Variants in TMEM72 observed in about 807,000 individuals in gnomAD.
TMEM72 encodes transmembrane protein 72.
A neutral mutation model predicts 16.3 loss-of-function variants in TMEM72; 9 were observed. The ratio of observed to expected loss-of-function variants is 0.55; its 90% confidence interval spans 0.33 to 0.96. TMEM72 has a LOEUF of 0.96. TMEM72 is among the 40% of genes least tolerant of loss of function. TMEM72 has a pLI of 0.03. For synonymous variants in TMEM72, 160 were observed against 146.5 expected (o/e 1.09, Z -0.66); for missense variants, 324 against 337.8 (o/e 0.96, Z 0.32).
chr10:44,931,870 T>C, intron 2 of TMEM72, 128 bp from the exon 3 acceptor site: 2 of 913,746 alleles, frequency 2.2e-6, no homozygotes, highest in East Asian at 5.3e-5. Context: ...GTGAATGTTG[T>C]CTGGGGGAAT....
At chr10:44,929,818 G>T (rs914696) in intron 2 of TMEM72, among the ~76,000 whole-genome samples, 124,374 of 152,300 alleles carry the variant, frequency 0.82, 51,916 homozygotes, top group African/African-American at 0.96. Flanking sequence ...CCCAAGCACC[G>T]TCCACCCATT....
At chr10:44,925,978 T>C (rs1324591515) in intron 1 of TMEM72, among the ~76,000 whole-genome samples, 2 of 150,618 alleles carry the variant, frequency 1.3e-5, no homozygotes, top group Non-Finnish European at 3.0e-5. Flanking sequence ...TATGCACATA[T>C]ATACTCACAC....
intron 1 of TMEM72, among the ~76,000 whole-genome samples, chr10:44,919,769 G>A (rs1436079800): frequency 6.6e-6 from 1 of 152,168 alleles, no homozygotes; most frequent in Non-Finnish European, 1.5e-5. Flanking sequence ...TGAATGTCCA[G>A]AAATATCTGC....
chr10:44,911,440 G>C lies in TMEM72; in HGVS notation c.-73G>C, dbSNP rs1839935547. The C allele has an allele frequency of 6.7e-7, 1 of 1,484,222 alleles. No individual in the cohort carries two copies. Among genetic ancestry groups the C allele is most frequent in the Non-Finnish European group, 9.1e-7 (1 of 1,095,186 alleles). 91.9% of individuals were successfully genotyped at this position (1,484,222 alleles called of 1,614,324 possible). A position where few individuals can be genotyped will look rare whatever the true frequency, so the allele number is the denominator to read the frequency against. On this transcript the variant is annotated 5_prime_UTR_variant, in exon 1 of 5. Coordinates refer to ENST00000389583, the MANE Select transcript of TMEM72 (RefSeq NM_001123376.3). The stretch of plus-strand genomic sequence containing the variant: ...CCAGCAGCCTCCTACCTACACAAGG[G>C]TGTTCGGGAGCATCTCAGGGCCGAA...
chr10:44,926,802 AC>A (rs1287897532), intron 1 of TMEM72, among the ~76,000 whole-genome samples: 2 of 131,990 alleles, frequency 1.5e-5, no homozygotes, highest in Non-Finnish European at 3.4e-5. Flanking sequence ...CCCACCCCCC[AC>A]CCCCAGAATC....
In TMEM72 at chr10:44,911,456, CAG is replaced by C; in HGVS notation, c.-56_-55del. ...TACACAAGGGTGTTCGGGAGCATCT[CAG>C]GGCCGAAGACTTTGCTGCCTGCCCT... On this transcript the variant is annotated 5_prime_UTR_variant, in exon 1 of 5. Transcript: ENST00000389583. 6.5e-7 allele frequency: 1 copy of C among 1,532,246 alleles called. No homozygotes were observed. The highest frequency in any genetic ancestry group is 8.8e-7 in the Non-Finnish European group (1 of 1,134,076). The allele number at this position is 1,532,246 out of a possible 1,614,324, so 94.9% of individuals were successfully genotyped here.
At chr10:44,926,765 C>T (rs577759185) in intron 1 of TMEM72, among the ~76,000 whole-genome samples, 111 of 152,298 alleles carry the variant, frequency 7.3e-4, no homozygotes, top group African/African-American at 2.5e-3. Flanking sequence ...CCCCTTTCCC[C>T]GGCCCCATAT....
chr10:44,914,830 G>A (rs967459842), intron 1 of TMEM72, among the ~76,000 whole-genome samples: 2 of 152,344 alleles, frequency 1.3e-5, no homozygotes, highest in East Asian at 3.9e-4. Context: ...ATTGGTCCCA[G>A]TTGCAGGCTA....
intron 1 of TMEM72, among the ~76,000 whole-genome samples, chr10:44,921,081 C>G (rs552733625): frequency 1.3e-5 from 2 of 152,254 alleles, no homozygotes; most frequent in African/African-American, 4.8e-5. Context: ...AGCCCTGGAC[C>G]CTGAGAGAAG....
chr10:44,931,506 AG>A (rs952418549), intron 2 of TMEM72, among the ~76,000 whole-genome samples: 77 of 152,326 alleles, frequency 5.1e-4, no homozygotes, highest in African/African-American at 1.8e-3. Flanking sequence ...GCAGGGGTCC[AG>A]GGGGCAGGGC....
chr10:44,917,340 G>A (rs537446780), intron 1 of TMEM72, among the ~76,000 whole-genome samples: 2 of 152,290 alleles, frequency 1.3e-5, no homozygotes, highest in African/African-American at 2.4e-5. Context: ...TGAGTTATCA[G>A]CTCCTTTTGT....
intron 1 of TMEM72, among the ~76,000 whole-genome samples, chr10:44,924,710 T>C (rs371726870): frequency 6.6e-6 from 1 of 152,268 alleles, no homozygotes; most frequent in East Asian, 1.9e-4. Context: ...GGTGACCCGT[T>C]GGCCTGGATA....
chr10:44,926,293 G>A (rs990903198), intron 1 of TMEM72, among the ~76,000 whole-genome samples: 13 of 152,208 alleles, frequency 8.5e-5, no homozygotes, highest in East Asian at 1.9e-4. Flanking sequence ...GCAGGAAACC[G>A]CGCACCACCT....
intron 1 of TMEM72, among the ~76,000 whole-genome samples, chr10:44,916,365 T>C (rs1047796053): frequency 6.6e-6 from 1 of 152,184 alleles, no homozygotes; most frequent in Non-Finnish European, 1.5e-5. Flanking sequence ...CATTTTCAAC[T>C]GCTCCCATGC....
At position 44,927,170 on chromosome 10, in the gene TMEM72, C is replaced by A. The variant is rs144030052; in HGVS notation, c.71-751C>A. On this transcript the variant is annotated intron_variant, in intron 1 of 4. Transcript: ENST00000389583. ...ACAGAAAGACTTCTAGTCAGCAGGCCGATGCACTGCCCCTGCAATGTTTCT... is the reference window on the plus strand; with the variant it reads ...ACAGAAAGACTTCTAGTCAGCAGGCAGATGCACTGCCCCTGCAATGTTTCT... Among the ~76,000 whole-genome samples, 386 of 152,180 alleles carry A rather than the reference C, an allele frequency of 2.5e-3. 3 individuals carry two copies. The highest frequency in any genetic ancestry group is 0.017 in the Middle Eastern group (5 of 294).
At position 44,926,330 on chromosome 10, in the gene TMEM72, T is replaced by C. The variant is rs559113507; in HGVS notation, c.71-1591T>C. Among the ~76,000 whole-genome samples, 14 of 152,220 alleles carry C rather than the reference T, an allele frequency of 9.2e-5. No individual in the cohort carries two copies. The East Asian group carries it at 2.7e-3, about 29-fold the overall frequency. The stretch of plus-strand genomic sequence containing the variant: ...GAGCTGGCTGCCTCCACCTGGTCTC[T>C]AGGCCCTCACTGTCCAGCATGTATC... On this transcript the variant is annotated intron_variant, in intron 1 of 4. Coordinates refer to ENST00000389583, the MANE Select transcript of TMEM72 (RefSeq NM_001123376.3).
chr10:44,928,772 A>G (rs1368791348), intron 2 of TMEM72, among the ~76,000 whole-genome samples: 1 of 151,570 alleles, frequency 6.6e-6, no homozygotes, highest in Non-Finnish European at 1.5e-5. Context: ...CCATCTATCT[A>G]TCTATTCATT....
intron 1 of TMEM72, among the ~76,000 whole-genome samples, chr10:44,923,878 G>C (rs1481631542): frequency 5.3e-5 from 8 of 152,172 alleles, no homozygotes; most frequent in African/African-American, 1.9e-4. Flanking sequence ...GCCCTGCTGT[G>C]CCACTGGACA....
At chr10:44,915,287 G>T (rs1812501863) in intron 1 of TMEM72, among the ~76,000 whole-genome samples, 1 of 152,116 alleles carries the variant, frequency 6.6e-6, no homozygotes, top group African/African-American at 2.4e-5. Context: ...GATTATTTGA[G>T]TATTTACTCA....
Sources: gnomAD v4.1 joint callset for allele counts (sites outside exome capture counted in the v4.1 genomes callset) on GRCh38, gnomAD v4.1.1 for gene constraint, MANE v1.5 for transcripts, NCBI Gene and HGNC (gene_info 2026-07-23, HGNC 2026-07-21) for gene names.